TMEM102: variants seen among roughly 807,000 people sequenced by gnomAD.
TMEM102 encodes the protein DANGER family member 2B.
Under a neutral mutation model 26.8 loss-of-function variants are expected in TMEM102, and 28 were observed. The observed-to-expected ratio is 1.05, with a 90% CI of 0.77 to 1.43. The LOEUF (loss-of-function observed/expected upper bound fraction) is 1.43, where lower values mean the gene tolerates loss of function less well. TMEM102 is among the 40% of genes most tolerant of loss of function. The pLI is 0.00. For synonymous variants in TMEM102, 306 were observed against 332.1 expected (o/e 0.92, Z 0.86); for missense variants, 677 against 705.6 (o/e 0.96, Z 0.46).
rs1908099977 is a variant in TMEM102, at chr17:7,437,448, A to C, written c.1469A>C (p.Glu490Ala). The change falls in exon 3 of 3, where the codon GAG becomes GCG. Residue 490 changes from glutamate to alanine, a missense_variant. By Grantham distance (107) the Glu-to-Ala change is moderately radical. Transcript: ENST00000323206. The surrounding 1 kb of genome is among the most constrained non-coding windows in gnomAD (Gnocchi z 4.2). ...CGGGCCCTCCGTGCCGCGGTGGAGGAGGCCAAAGTGGCCCGCAAGGGGGGC... is the reference window on the plus strand; with the variant it reads ...CGGGCCCTCCGTGCCGCGGTGGAGGCGGCCAAAGTGGCCCGCAAGGGGGGC... ...PARALRAAVE[E>A]AKVARKGGGL... is the part of the protein sequence containing the mutation. 14 of 1,442,620 alleles carry C rather than the reference A, an allele frequency of 9.7e-6. No homozygotes were observed. The highest frequency in any genetic ancestry group is 1.3e-5 in the Non-Finnish European group (14 of 1,097,898). 89.4% of individuals were successfully genotyped at this position (1,442,620 alleles called of 1,614,324 possible). A position where few individuals can be genotyped will look rare whatever the true frequency, so the allele number is the denominator to read the frequency against.
In TMEM102 at chr17:7,436,478, G is replaced by C; in HGVS notation, c.499G>C (p.Val167Leu). ...EMWQDCLGPP[V>L]PGARDSIHRT... is the part of the protein sequence containing the mutation. ...GTGGCAGGATTGCTTAGGACCCCCA[G>C]TCCCAGGAGCACGTGATTCGATCCA... Residue 167 changes from valine to leucine, a missense_variant, in exon 3 of 3, where the codon GTC becomes CTC. Transcript: ENST00000323206. The C allele has an allele frequency of 1.2e-6, 2 of 1,613,780 alleles. No homozygotes were observed. Among genetic ancestry groups the C allele is most frequent in the Non-Finnish European group, 1.7e-6 (2 of 1,180,042 alleles).
chr17:7,437,481 CGGGCGTGGG>C lies in TMEM102; in HGVS notation c.1508_1516del (p.Val503_Gly505del). Reference sequence around the variant, plus strand: ...GTGGCCCGCAAGGGGGGCGGTTTGGCGGGCGTGGGGGGCGGGGCCCATTAAAGACGCTGT... The same window carrying C: ...GTGGCCCGCAAGGGGGGCGGTTTGGCGGGCGGGGCCCATTAAAGACGCTGT... On this transcript the variant is annotated inframe_deletion, in exon 3 of 3. Transcript: ENST00000323206. This position sits in a 1 kb window ranked among gnomAD's most constrained non-coding sequence, Gnocchi z 4.2. 7.2e-7 allele frequency: 1 copy of C among 1,388,124 alleles called. No homozygotes were observed. The highest frequency in any genetic ancestry group is 9.3e-7 in the Non-Finnish European group (1 of 1,071,364). 86.0% of individuals were successfully genotyped at this position (1,388,124 alleles called of 1,614,324 possible).
intron 2 of TMEM102, 46 bp downstream of exon 2, chr17:7,436,131 A>ACCACGC (rs778772403): frequency 1.9e-6 from 3 of 1,602,778 alleles, no homozygotes; most frequent in Non-Finnish European, 1.7e-6. Flanking sequence ...TCTCAGCCTC[A>ACCACGC]CCACGCCCCC....
rs751250312 is a variant in TMEM102, at chr17:7,436,367, G to A, written c.388G>A (p.Gly130Ser). 1.2e-6 allele frequency: 2 copies of A among 1,613,798 alleles called. No homozygotes were observed. Among genetic ancestry groups the A allele is most frequent in the South Asian group, 2.2e-5 (2 of 91,086 alleles). The part of the protein sequence containing the change: ...TLLVPMFSLD[G>S]TELQLDLESC... ...CCTAGTGCCCATGTTTTCACTGGACGGCACTGAACTGCAACTGGACCTGGA... is the reference window on the plus strand; with the variant it reads ...CCTAGTGCCCATGTTTTCACTGGACAGCACTGAACTGCAACTGGACCTGGA... Residue 130 changes from glycine (G) to serine (S), a missense_variant, in exon 3 of 3, where the codon GGC becomes AGC. By Grantham distance (56) the Gly-to-Ser change is moderately conservative. Transcript: ENST00000323206.
In TMEM102 at chr17:7,435,846, TC is replaced by T. The variant is rs1907987743; in HGVS notation, c.-19-5del. ...GCAAAGCCACCTCCCTTCCGTGTTTTCCGCAGCCCAAAGCGATAGAACCGCA... is the reference window on the plus strand; with the variant it reads ...GCAAAGCCACCTCCCTTCCGTGTTTTCGCAGCCCAAAGCGATAGAACCGCA... On this transcript the variant is annotated splice_region_variant and splice_polypyrimidine_tract_variant and intron_variant, in intron 1 of 2. Transcript: ENST00000323206. 2.6e-6 allele frequency: 4 copies of T among 1,549,712 alleles called. No homozygotes were observed. The Admixed American group carries it at 6.0e-5, about 23-fold the overall frequency.
rs1186909052 is a variant in TMEM102 at position 7,437,356 on chromosome 17, G to A, written c.1377G>A (p.Gln459=). 1 of 1,569,032 alleles carries A rather than the reference G, an allele frequency of 6.4e-7. No individual in the cohort carries two copies. The highest frequency in any genetic ancestry group is 2.5e-5 in the East Asian group (1 of 40,240). ...CTCACTATTTTCTGAACGGCCGACA[G>A]CTCCGTACGGGGGACGACTCCGCTG... is the stretch of plus-strand genomic sequence containing the variant. ...TLPHYFLNGR[Q]LRTGDDSAAL... The change falls in exon 3 of 3, where the codon CAG becomes CAA. Residue 459 remains glutamine (Q), a synonymous_variant. Coordinates refer to ENST00000323206, the MANE Select transcript of TMEM102 (RefSeq NM_178518.3). This position sits in a 1 kb window ranked among gnomAD's most constrained non-coding sequence, Gnocchi z 4.2.
At chr17:7,436,173 C>G (rs776651991) in intron 2 of TMEM102, 21 bp from the exon 3 acceptor site, 2 of 1,603,464 alleles carry the variant, frequency 1.2e-6, no homozygotes, top group African/African-American at 1.3e-5. Context: ...GACGCCCTCA[C>G]GATCCGTTCC....
chr17:7,436,811 GCCGAGTCTCTGATCCCTGTC>G lies in TMEM102; in HGVS notation c.836_855del (p.Glu279GlyfsTer23). On this transcript the variant is annotated frameshift_variant, in exon 3 of 3. Coordinates refer to ENST00000323206, the MANE Select transcript of TMEM102 (RefSeq NM_178518.3). LOFTEE classifies it high-confidence loss of function. ...GTTCTTTGCTACGCTGGCGGCGGTCGCCGAGTCTCTGATCCCTGTCCCGGGTGCTCCGCGTCTGGTGCACG... is the reference window on the plus strand; with the variant it reads ...GTTCTTTGCTACGCTGGCGGCGGTCGCCGGGTGCTCCGCGTCTGGTGCACG... The G allele has an allele frequency of 6.2e-7, 1 of 1,613,358 alleles. No homozygotes were observed. Among genetic ancestry groups the G allele is most frequent in the Non-Finnish European group, 8.5e-7 (1 of 1,180,020 alleles).
chr17:7,435,968 C>A lies in TMEM102; in HGVS notation c.97C>A (p.Gln33Lys). Residue 33 changes from glutamine to lysine, a missense_variant, in exon 2 of 3, where the codon CAG (glutamine) becomes AAG (lysine). Transcript: ENST00000323206. ...LTDIDFCSGA[Q>K]LQELTQLIQE... ...GGACATCGACTTCTGCTCCGGGGCGCAGCTGCAGGAATTGACCCAGCTGAT... is the reference window on the plus strand; with the variant it reads ...GGACATCGACTTCTGCTCCGGGGCGAAGCTGCAGGAATTGACCCAGCTGAT... 1.2e-6 allele frequency: 2 copies of A among 1,613,270 alleles called. No individual in the cohort carries two copies. The highest frequency in any genetic ancestry group is 1.7e-6 in the Non-Finnish European group (2 of 1,179,998).
In TMEM102 at chr17:7,437,262, A is replaced by G. The variant is rs1908079350; in HGVS notation, c.1283A>G (p.Glu428Gly). Residue 428 changes from glutamate to glycine, a missense_variant, in exon 3 of 3, where the codon GAA becomes GGA. Physicochemically the swap from Glu to Gly is moderately conservative, Grantham distance 98. Coordinates refer to ENST00000323206, the MANE Select transcript of TMEM102 (RefSeq NM_178518.3). The surrounding 1 kb of genome is among the most constrained non-coding windows in gnomAD (Gnocchi z 4.2). ...CCTGCGCTCTACCTGGCGCGGCCAG[A>G]AAATGCGGGCGCCTGCTGCCTCGGG... The part of the protein sequence containing the change: ...RLPALYLARP[E>G]NAGACCLGLL... 6.5e-7 allele frequency: 1 copy of G among 1,534,010 alleles called. No individual in the cohort carries two copies. Among genetic ancestry groups the G allele is most frequent in the African/African-American group, 1.4e-5 (1 of 69,804 alleles).
Position 7,435,567 on chromosome 17 carries a change from G to T in TMEM102, c.-149G>T. ...AAAAGAGGTAAAGGGAGGTAGACAA[G>T]GGGCGGCAGCGGAGGCTGGCTACTG... On this transcript the variant is annotated 5_prime_UTR_variant, in exon 1 of 3. The change creates a new upstream start codon in the 5' untranslated region. Coordinates refer to ENST00000323206, the MANE Select transcript of TMEM102 (RefSeq NM_178518.3). 1 of 355,772 alleles carries T rather than the reference G, an allele frequency of 2.8e-6. No homozygotes were observed. Among genetic ancestry groups the T allele is most frequent in the Non-Finnish European group, 5.1e-6 (1 of 194,702 alleles). 22.0% of individuals were successfully genotyped at this position (355,772 alleles called of 1,614,324 possible). A position where few individuals can be genotyped will look rare whatever the true frequency, so the allele number is the denominator to read the frequency against.
Position 7,435,944 on chromosome 17 carries a change from G to C in TMEM102, c.73G>C (p.Asp25His). Residue 25 changes from aspartate to histidine, a missense_variant, in exon 2 of 3, where the codon GAC becomes CAC. Physicochemically the swap from Asp to His is moderately conservative, Grantham distance 81. Coordinates refer to ENST00000323206, the MANE Select transcript of TMEM102 (RefSeq NM_178518.3). ...CCCGGCCCCAGCTCGGCCGCTCACG[G>C]ACATCGACTTCTGCTCCGGGGCGCA... ...PPPAPARPLT[D>H]IDFCSGAQLQ... 2 of 1,612,714 alleles carry C rather than the reference G, an allele frequency of 1.2e-6. No individual in the cohort carries two copies. The highest frequency in any genetic ancestry group is 1.7e-6 in the Non-Finnish European group (2 of 1,179,850).
chr17:7,437,390 G>C lies in TMEM102; in HGVS notation c.1411G>C (p.Gly471Arg). 6.4e-7 allele frequency: 1 copy of C among 1,550,678 alleles called. No individual in the cohort carries two copies. The highest frequency in any genetic ancestry group is 1.9e-5 in the Admixed American group (1 of 52,840). ...GGGGGACGACTCCGCTGCGCTGCTC[G>C]GAGAATTGGCCCGGCTCCGCGGGGA... ...RTGDDSAALLGELARLRGDPA... is the reference protein window; with the variant it reads ...RTGDDSAALLRELARLRGDPA... Residue 471 changes from glycine (G) to arginine (R), a missense_variant, in exon 3 of 3, where the codon GGA becomes CGA. By Grantham distance (125) the Gly-to-Arg change is moderately radical (BLOSUM62 -2). Coordinates refer to ENST00000323206, the MANE Select transcript of TMEM102 (RefSeq NM_178518.3). This position sits in a 1 kb window ranked among gnomAD's most constrained non-coding sequence, Gnocchi z 4.2.
rs762108785 is a variant in TMEM102, at chr17:7,436,888, C to CA, written c.909_910insA (p.Leu304ThrfsTer5). On this transcript the variant is annotated frameshift_variant, in exon 3 of 3. Coordinates refer to ENST00000323206, the MANE Select transcript of TMEM102 (RefSeq NM_178518.3). LOFTEE classifies it high-confidence loss of function. ...GCCACGCGGGTTTCACCACCGTCCT[C>CA]CTGGCTACCCCTGAGCCCCCTCGCC... The CA allele has an allele frequency of 1.2e-6, 2 of 1,610,662 alleles. No homozygotes were observed. The highest frequency in any genetic ancestry group is 2.2e-5 in the South Asian group (2 of 91,056).
chr17:7,437,602 G>C lies in TMEM102; in HGVS notation c.*96G>C. ...GCCAGGGGGACTGACTGTGTGCCCT[G>C]GGCCTGAAGCCCCCCTTCTGGAAGA... On this transcript the variant is annotated 3_prime_UTR_variant, in exon 3 of 3. Transcript: ENST00000323206. The surrounding 1 kb of genome is among the most constrained non-coding windows in gnomAD (Gnocchi z 4.2). 1.1e-6 allele frequency: 1 copy of C among 909,788 alleles called. No individual in the cohort carries two copies. The highest frequency in any genetic ancestry group is 1.5e-6 in the Non-Finnish European group (1 of 668,944). The allele number at this position is 909,788 out of a possible 1,614,324, so 56.4% of individuals were successfully genotyped here.
rs1351527144 is a variant in TMEM102 at position 7,435,645 on chromosome 17, C to A, written c.-71C>A. ...TTTTTACCTGCTGAGTCCGGTGAAC[C>A]AGTTCATGGGGGCGGGGACCTGCCT... On this transcript the variant is annotated 5_prime_UTR_variant, in exon 1 of 3. Transcript: ENST00000323206. The A allele has an allele frequency of 6.4e-6, 3 of 470,742 alleles. No homozygotes were observed. Among genetic ancestry groups the A allele is most frequent in the Non-Finnish European group, 1.1e-5 (3 of 264,678 alleles). The allele number at this position is 470,742 out of a possible 1,614,324, so 29.2% of individuals were successfully genotyped here.
chr17:7,436,135 C>T lies in TMEM102; in HGVS notation c.214+50C>T, dbSNP rs754351454. ...GAACTCACAGCTCTCAGCCTCACCA[C>T]GCCCCCGCCCCCGCCCCGGCTTTGG... is the stretch of plus-strand genomic sequence containing the variant. On this transcript the variant is annotated intron_variant, in intron 2 of 2. Transcript: ENST00000323206. 4.4e-6 allele frequency: 7 copies of T among 1,599,776 alleles called. No homozygotes were observed. The Admixed American group carries it at 1.2e-4, about 27-fold the overall frequency.
rs766380711 is a variant in TMEM102 at position 7,436,095 on chromosome 17, C to T, written c.214+10C>T. 7 of 1,611,338 alleles carry T rather than the reference C, an allele frequency of 4.3e-6. No individual in the cohort carries two copies. In the Admixed American group the frequency reaches 1.2e-4, roughly 27 times the overall value. ...GTCTTCTCTTTGCTTGGTAAGTAAC[C>T]CTACTTGCCTTTGGGAACTCACAGC... On this transcript the variant is annotated intron_variant, in intron 2 of 2. Coordinates refer to ENST00000323206, the MANE Select transcript of TMEM102 (RefSeq NM_178518.3).
chr17:7,435,926 C>T lies in TMEM102; in HGVS notation c.55C>T (p.Pro19Ser). 1 of 1,611,810 alleles carries T rather than the reference C, an allele frequency of 6.2e-7. No individual in the cohort carries two copies. Among genetic ancestry groups the T allele is most frequent in the East Asian group, 2.2e-5 (1 of 44,874 alleles). ...CTGGTGGGGCCCGCCGCCCCCGGCC[C>T]CAGCTCGGCCGCTCACGGACATCGA... ...APWWGPPPPAPARPLTDIDFC... is the reference protein window; with the variant it reads ...APWWGPPPPASARPLTDIDFC... Residue 19 changes from proline (P) to serine (S), a missense_variant, in exon 2 of 3, where the codon CCA (proline) becomes TCA (serine). Physicochemically the swap from Pro to Ser is moderately conservative, Grantham distance 74 (BLOSUM62 -1). Transcript: ENST00000323206.
Sources: allele counts gnomAD v4.1 joint callset, GRCh38; gene constraint gnomAD v4.1.1; non-coding constraint Gnocchi (gnomAD v3.1); transcripts MANE v1.5; gene names NCBI Gene and HGNC (gene_info 2026-07-23, HGNC 2026-07-21).